PPP2R2B: variants seen among roughly 807,000 people sequenced by gnomAD.
The protein encoded by PPP2R2B is serine/threonine-protein phosphatase 2A 55 kDa regulatory subunit B beta isoform.
PPP2R2B carries 5 observed loss-of-function variants against 46.0 expected under a neutral mutation model. The observed-to-expected ratio is 0.11, with a 90% CI of 0.06 to 0.23. The LOEUF (loss-of-function observed/expected upper bound fraction) is 0.23, where lower values mean the gene tolerates loss of function less well. Among genes scored for constraint, PPP2R2B ranks in the 10% least tolerant of loss-of-function variants. The pLI is 1.00. For synonymous variants in PPP2R2B, 215 were observed against 206.7 expected (o/e 1.04, Z -0.34); for missense variants, 367 against 575.0 (o/e 0.64, Z 3.70).
At chr5:146,635,010 C>T (rs552516181) in intron 7 of PPP2R2B, among the ~76,000 whole-genome samples, 7 of 152,252 alleles carry the variant, frequency 4.6e-5, no homozygotes, top group South Asian at 4.1e-4. Context: ...GGCCTAGAAC[C>T]GGAGGAATCC....
intron 1 of PPP2R2B, among the ~76,000 whole-genome samples, chr5:146,897,370 C>T (rs1762680670): frequency 6.6e-6 from 1 of 151,682 alleles, no homozygotes. Context: ...AAAGTTCTTC[C>T]TTTTGAAAGA....
Position 146,857,514 on chromosome 5 carries a change from T to C in PPP2R2B, c.70+20488A>G, listed in dbSNP as rs185842369. 4.9e-3 allele frequency among the ~76,000 whole-genome samples: 746 copies of C among 152,248 alleles called. 3 individuals are homozygous for C. Among genetic ancestry groups the C allele is most frequent in the Admixed American group, 0.01 (153 of 15,296 alleles). ...GTTTCCTCAATGTTTCATTTCATAT[T>C]CAGAAAAAGAATCCAACCTAACAGA... On this transcript the variant is annotated intron_variant, in intron 2 of 9. Coordinates refer to ENST00000394411, the MANE Select transcript of PPP2R2B (RefSeq NM_181675.4).
At chr5:146,923,740 C>T (rs572626073) in intron 1 of PPP2R2B, among the ~76,000 whole-genome samples, 22 of 152,224 alleles carry the variant, frequency 1.4e-4, no homozygotes, top group Middle Eastern at 3.4e-3. Flanking sequence ...AAAGAATATA[C>T]ATCATTCTAT....
rs190273272 is a variant in PPP2R2B at position 147,023,435 on chromosome 5, G to A, written c.79+32230C>T. 1.8e-3 allele frequency among the ~76,000 whole-genome samples: 281 copies of A among 152,236 alleles called. 1 individual carries two copies. Among genetic ancestry groups the A allele is most frequent in the Non-Finnish European group, 3.1e-3 (208 of 68,024 alleles). On this transcript the variant is annotated intron_variant, in intron 1 of 8. Coordinates refer to the PPP2R2B transcript ENST00000336640. Reference sequence around the variant, plus strand: ...GGAATGAGCTCACCAATTAAAAAGCGTAGATTGACAGATTGGATAAAAATG... The same window carrying A: ...GGAATGAGCTCACCAATTAAAAAGCATAGATTGACAGATTGGATAAAAATG...
chr5:147,052,542 G>A (rs1049254622), intron 1 of PPP2R2B, among the ~76,000 whole-genome samples: 2 of 152,158 alleles, frequency 1.3e-5, no homozygotes, highest in Non-Finnish European at 2.9e-5. Flanking sequence ...TGGCTTCTGA[G>A]CTTGAGCTGA....
At chr5:146,670,262 T>C (rs1052295870) in intron 5 of PPP2R2B, among the ~76,000 whole-genome samples, 2 of 152,108 alleles carry the variant, frequency 1.3e-5, no homozygotes, top group Non-Finnish European at 2.9e-5. Flanking sequence ...ATTCCTAAAC[T>C]GGCTTTTAAA....
chr5:146,894,561 T>C (rs1245940012), intron 1 of PPP2R2B, among the ~76,000 whole-genome samples: 1 of 152,178 alleles, frequency 6.6e-6, no homozygotes, highest in Non-Finnish European at 1.5e-5. Context: ...CACCTCAGCC[T>C]CCTGAGTAGC....
At chr5:147,015,760 T>C (rs1754977799) in intron 1 of PPP2R2B, among the ~76,000 whole-genome samples, 1 of 149,544 alleles carries the variant, frequency 6.7e-6, no homozygotes, top group Non-Finnish European at 1.5e-5. Flanking sequence ...TAATATAATA[T>C]AATATAAAAT....
chr5:146,647,876 C>T (rs1036234274), intron 6 of PPP2R2B, among the ~76,000 whole-genome samples: 1 of 152,192 alleles, frequency 6.6e-6, no homozygotes. Flanking sequence ...TGTAGGCAGG[C>T]CCAGACAGCA....
intron 1 of PPP2R2B, among the ~76,000 whole-genome samples, chr5:147,012,586 C>G (rs1179616651): frequency 6.6e-6 from 1 of 151,936 alleles, no homozygotes; most frequent in Admixed American, 6.6e-5. Flanking sequence ...TCCTTCAGTT[C>G]TGCTCTGATC....
intron 1 of PPP2R2B, among the ~76,000 whole-genome samples, chr5:146,886,097 G>A (rs946833818): frequency 6.6e-6 from 1 of 152,160 alleles, no homozygotes; most frequent in African/African-American, 2.4e-5. Context: ...CCAACACTTT[G>A]GGAGGCCGAG....
intron 1 of PPP2R2B, among the ~76,000 whole-genome samples, chr5:147,054,123 T>C (rs1176755201): frequency 6.6e-6 from 1 of 152,218 alleles, no homozygotes; most frequent in African/African-American, 2.4e-5. Context: ...CACAAACAAC[T>C]TTAAAAGTTC....
At chr5:146,992,118 C>T (rs1580766283) in intron 1 of PPP2R2B, among the ~76,000 whole-genome samples, 1 of 152,248 alleles carries the variant, frequency 6.6e-6, no homozygotes, top group East Asian at 1.9e-4. Flanking sequence ...TGATTTCAAA[C>T]TATTACTTAA....
chr5:147,005,977 A>G (rs1181348221), intron 1 of PPP2R2B, among the ~76,000 whole-genome samples: 3 of 152,218 alleles, frequency 2.0e-5, no homozygotes, highest in Non-Finnish European at 4.4e-5. Context: ...ACAAGGGCAT[A>G]ACCCGAAAAC....
chr5:146,758,051 G>A (rs928302479), intron 2 of PPP2R2B, among the ~76,000 whole-genome samples: 1 of 152,150 alleles, frequency 6.6e-6, no homozygotes, highest in Admixed American at 6.5e-5. Flanking sequence ...TTGGCATTGT[G>A]ATGCTATTCC....
intron 1 of PPP2R2B, among the ~76,000 whole-genome samples, chr5:147,024,158 T>TCTATCTATCTAA (rs1424319280): frequency 1.5e-5 from 2 of 135,880 alleles, no homozygotes; most frequent in Non-Finnish European, 3.2e-5. Flanking sequence ...CCCTCCTCTA[T>TCTATCTATCTAA]CTATCTATCT....
At chr5:146,811,752 A>T in intron 2 of PPP2R2B, among the ~76,000 whole-genome samples, 1 of 138,924 alleles carries the variant, frequency 7.2e-6, no homozygotes, top group African/African-American at 2.7e-5. Flanking sequence ...TTTTTTCAGT[A>T]GAGACGGGGT....
At chr5:146,867,751 A>T (rs1761392011) in intron 2 of PPP2R2B, among the ~76,000 whole-genome samples, 1 of 152,172 alleles carries the variant, frequency 6.6e-6, no homozygotes, top group Non-Finnish European at 1.5e-5. Flanking sequence ...AGAAGGACGG[A>T]GTGTCACCTG....
intron 1 of PPP2R2B, among the ~76,000 whole-genome samples, chr5:146,943,532 T>A (rs527906712): frequency 2.6e-5 from 4 of 152,228 alleles, no homozygotes; most frequent in Non-Finnish European, 5.9e-5. Context: ...TAATCTTGAC[T>A]CCATTTTAAT....
Sources: allele counts gnomAD v4.1 joint callset (sites outside exome capture counted in the v4.1 genomes callset), GRCh38; gene constraint gnomAD v4.1.1; transcripts MANE v1.5; gene names NCBI Gene and HGNC (gene_info 2026-07-23, HGNC 2026-07-21).